Variants in NUP88 observed in about 807,000 individuals in gnomAD.
NUP88 encodes nucleoporin 88, also known as nuclear pore complex protein Nup88.
A neutral mutation model predicts 93.9 loss-of-function variants in NUP88; 57 were observed. That is an observed-to-expected ratio of 0.61 (90% CI 0.49 to 0.76). The LOEUF (loss-of-function observed/expected upper bound fraction) is 0.76, where lower values mean the gene tolerates loss of function less well. Ranked by LOEUF, NUP88 falls within the 30% of genes least tolerant of loss-of-function variation. The pLI, the probability that NUP88 is intolerant of heterozygous loss-of-function variation, is 0.00. For missense variants in NUP88, 911 were observed against 901.0 expected (o/e 1.01, Z -0.14); for synonymous variants, 346 against 336.8 (o/e 1.03, Z -0.30).
chr17:5,419,593 TAGGAAGCC>T lies in NUP88; in HGVS notation c.50_57del (p.Trp17Ter), dbSNP rs1315034918. 3 of 1,606,118 alleles carry T rather than the reference TAGGAAGCC, an allele frequency of 1.9e-6. No individual in the cohort carries two copies. In the South Asian group the frequency reaches 3.3e-5, roughly 18 times the overall value. ...CGGAGCCGCAAGAACACGACGTGGT[TAGGAAGCC>T]AGGTCTGCCACAGCTCGCCGTCGCC... On this transcript the variant is annotated frameshift_variant, in exon 1 of 17. Coordinates refer to ENST00000573584, the MANE Select transcript of NUP88 (RefSeq NM_002532.6). LOFTEE classifies it high-confidence loss of function.
intron 10 of NUP88, 104 bp from the exon 11 acceptor site, chr17:5,389,064 G>C (rs1567564845): frequency 3.4e-6 from 3 of 892,042 alleles, no homozygotes; most frequent in Non-Finnish European, 4.8e-6. Context: ...ATAAAATAAA[G>C]TGTAACTTTT....
At chr17:5,395,543 T>C (rs1049955617) in intron 8 of NUP88, among the ~76,000 whole-genome samples, 1 of 151,924 alleles carries the variant, frequency 6.6e-6, no homozygotes, top group Non-Finnish European at 1.5e-5. Context: ...GCTTTATTTT[T>C]TTTTGGATGG....
At chr17:5,413,543 G>C (rs529842933) in intron 3 of NUP88, among the ~76,000 whole-genome samples, 1 of 152,240 alleles carries the variant, frequency 6.6e-6, no homozygotes, top group South Asian at 2.1e-4. Flanking sequence ...TTTAATCATA[G>C]AGTGCAAAGC....
intron 8 of NUP88, among the ~76,000 whole-genome samples, chr17:5,398,755 A>AT (rs1420819889): frequency 6.6e-6 from 1 of 151,084 alleles, no homozygotes; most frequent in East Asian, 1.9e-4. Context: ...CACCCAGCTA[A>AT]TTTTTGTATT....
rs1286529654 is a variant in NUP88 at position 5,387,073 on chromosome 17, G to C, written c.1954C>G (p.Pro652Ala). Residue 652 changes from proline to alanine, a missense_variant, in exon 15 of 17, where the codon CCA becomes GCA. Physicochemically the swap from Pro to Ala is conservative, Grantham distance 27 (BLOSUM62 -1). Coordinates refer to ENST00000573584, the MANE Select transcript of NUP88 (RefSeq NM_002532.6). ...TCTCGCTCACTATCAGAGAGAACTGGGAGCTCAGAGTGAAAACTGTGAAGT... is the reference window on the plus strand; with the variant it reads ...TCTCGCTCACTATCAGAGAGAACTGCGAGCTCAGAGTGAAAACTGTGAAGT... Reference protein sequence around the residue: ...KLLHSFHSELPVLSDSERDMK... With the variant: ...KLLHSFHSELAVLSDSERDMK... 6.2e-7 allele frequency: 1 copy of C among 1,613,780 alleles called. No homozygotes were observed. The highest frequency in any genetic ancestry group is 1.1e-5 in the South Asian group (1 of 91,048).
chr17:5,391,532 C>A, intron 10 of NUP88, 29 bp downstream of exon 10: 1 of 1,542,706 alleles, frequency 6.5e-7, no homozygotes, highest in Non-Finnish European at 9.0e-7. Context: ...TTAACAAGAG[C>A]TGTGTGGAGA....
At chr17:5,419,323 A>G in intron 1 of NUP88, 31 bp downstream of exon 1, 1 of 1,525,816 alleles carries the variant, frequency 6.6e-7, no homozygotes, top group South Asian at 1.3e-5. Flanking sequence ...GATCCCGGTG[A>G]GGGTCACTTC....
chr17:5,413,184 T>C lies in NUP88; in HGVS notation c.593+825A>G, dbSNP rs1038338402. ...ACAGGATCTCACTGTATTGCCCACATTGGTCTCGAACTCAGGGGCTCAAAT... is the reference window on the plus strand; with the variant it reads ...ACAGGATCTCACTGTATTGCCCACACTGGTCTCGAACTCAGGGGCTCAAAT... On this transcript the variant is annotated intron_variant, in intron 3 of 16. Coordinates refer to ENST00000573584, the MANE Select transcript of NUP88 (RefSeq NM_002532.6). 2.2e-4 allele frequency among the ~76,000 whole-genome samples: 33 copies of C among 152,168 alleles called. 1 individual carries two copies. Among genetic ancestry groups the C allele is most frequent in the African/African-American group, 7.7e-4 (32 of 41,448 alleles).
chr17:5,411,261 G>A (rs996799549), intron 3 of NUP88, among the ~76,000 whole-genome samples: 6 of 152,084 alleles, frequency 3.9e-5, no homozygotes, highest in African/African-American at 1.4e-4. Flanking sequence ...TTATGTGTTT[G>A]TTATATAAAA....
In NUP88 at chr17:5,387,424, A is replaced by G. The variant is rs371857806; in HGVS notation, c.1878T>C (p.Tyr626=). 3.1e-6 allele frequency: 5 copies of G among 1,614,118 alleles called. No homozygotes were observed. The highest frequency in any genetic ancestry group is 2.2e-5 in the East Asian group (1 of 44,874). Residue 626 remains tyrosine, a synonymous_variant, in exon 14 of 17, where the codon TAT becomes TAC. Transcript: ENST00000573584. The part of the protein sequence containing the change: ...REMAERLADK[Y]EEAKEKQEDI... ...CCTCTTGTTTTTCTTTAGCTTCCTC[A>G]TATTTGTCAGCTAAACGCTCAGCCA...
rs936332585 is a variant in NUP88, at chr17:5,395,176, G to A, written c.1292-195C>T. ...GCCCCAAGAAGTAGGATTTTCCTTC[G>A]TAATGTCTCTGAATGCAAAAATGTT... On this transcript the variant is annotated intron_variant, in intron 8 of 16. Coordinates refer to ENST00000573584, the MANE Select transcript of NUP88 (RefSeq NM_002532.6). 3.9e-5 allele frequency among the ~76,000 whole-genome samples: 6 copies of A among 152,088 alleles called. No individual in the cohort carries two copies. The South Asian group carries it at 8.3e-4, about 21-fold the overall frequency.
At chr17:5,386,907 C>T in intron 15 of NUP88, 77 bp downstream of exon 15, 1 of 1,594,638 alleles carries the variant, frequency 6.3e-7, no homozygotes, top group Non-Finnish European at 8.6e-7. Flanking sequence ...GTTCTTTTTA[C>T]ATTTTTGTAA....
Position 5,399,653 on chromosome 17 carries a change from G to A in NUP88, c.1193-3C>T, listed in dbSNP as rs1464241642. On this transcript the variant is annotated splice_polypyrimidine_tract_variant and splice_region_variant and intron_variant, in intron 7 of 16. Transcript: ENST00000573584. ...ATATCTTGAAGGACACTTGGGATCT[G>A]CAAATGGAATGATTAATGATACAAA... The A allele has an allele frequency of 1.3e-6, 2 of 1,529,540 alleles. No individual in the cohort carries two copies. Among genetic ancestry groups the A allele is most frequent in the Non-Finnish European group, 1.8e-6 (2 of 1,109,752 alleles). The allele number at this position is 1,529,540 out of a possible 1,614,324, so 94.7% of individuals were successfully genotyped here.
Position 5,408,796 on chromosome 17 carries a change from T to C in NUP88, c.794A>G (p.Tyr265Cys). The C allele has an allele frequency of 6.2e-7, 1 of 1,613,776 alleles. No homozygotes were observed. The highest frequency in any genetic ancestry group is 1.1e-5 in the South Asian group (1 of 91,072). Residue 265 changes from tyrosine to cysteine, a missense_variant, in exon 5 of 17, where the codon TAC (tyrosine) becomes TGC (cysteine). By Grantham distance (194) the Tyr-to-Cys change is radical. Coordinates refer to ENST00000573584, the MANE Select transcript of NUP88 (RefSeq NM_002532.6). Reference protein sequence around the residue: ...GQNGKDEVVAYPLYILYENGE... With the variant: ...GQNGKDEVVACPLYILYENGE... ...ATTTTCATATAAGATGTACAGTGGG[T>C]ATGCCACTACTTCATCTTTGCCGTT...
At chr17:5,394,162 G>T (rs1458924218) in intron 9 of NUP88, among the ~76,000 whole-genome samples, 1 of 152,186 alleles carries the variant, frequency 6.6e-6, no homozygotes, top group African/African-American at 2.4e-5. Context: ...CGATATGGAT[G>T]CGGGAACTGT....
intron 3 of NUP88, among the ~76,000 whole-genome samples, chr17:5,412,388 C>G (rs567314726): frequency 2.0e-5 from 3 of 152,250 alleles, no homozygotes; most frequent in Admixed American, 1.3e-4. Flanking sequence ...GGTGCATTTC[C>G]TAGCTGAATG....
At position 5,386,282 on chromosome 17, in the gene NUP88, A is replaced by G. The variant is rs1911967261; in HGVS notation, c.2163-13T>C. On this transcript the variant is annotated splice_polypyrimidine_tract_variant and intron_variant, in intron 16 of 16. Coordinates refer to ENST00000573584, the MANE Select transcript of NUP88 (RefSeq NM_002532.6). Reference sequence around the variant, plus strand: ...TATATGTTCACCCCTGTAAAATTGTAAAGTCACTCACTTTTGGAATTATAA... The same window carrying G: ...TATATGTTCACCCCTGTAAAATTGTGAAGTCACTCACTTTTGGAATTATAA... The G allele has an allele frequency of 6.3e-7, 1 of 1,587,886 alleles. No individual in the cohort carries two copies. The highest frequency in any genetic ancestry group is 1.3e-5 in the African/African-American group (1 of 74,094).
Position 5,386,146 on chromosome 17 carries a change from C to T in NUP88, c.*60G>A, listed in dbSNP as rs1425232510. On this transcript the variant is annotated 3_prime_UTR_variant, in exon 17 of 17. Transcript: ENST00000573584. ...AAATTAGATAATTCTACCTGTTTTA[C>T]AATATGGGTTTAAGCCTTCAATGGT... The T allele has an allele frequency of 7.9e-7, 1 of 1,265,888 alleles. No homozygotes were observed. The highest frequency in any genetic ancestry group is 1.1e-6 in the Non-Finnish European group (1 of 894,738). The allele number at this position is 1,265,888 out of a possible 1,614,324, so 78.4% of individuals were successfully genotyped here.
intron 11 of NUP88, chr17:5,388,312 G>A (rs1375071861): frequency 3.1e-5 from 4 of 129,694 alleles, no homozygotes; most frequent in Non-Finnish European, 4.7e-5. Context: ...AACTTGAGAC[G>A]AGTCTCACTG....
Sources: allele counts gnomAD v4.1 joint callset (sites outside exome capture counted in the v4.1 genomes callset), GRCh38; gene constraint gnomAD v4.1.1; transcripts MANE v1.5; gene names NCBI Gene and HGNC (gene_info 2026-07-23, HGNC 2026-07-21).